Variants in PDZD2 observed in about 807,000 individuals in gnomAD.
PDZD2 encodes PDZ domain containing 2, also known as PDZ domain-containing protein 2.
A neutral mutation model predicts 220.7 loss-of-function variants in PDZD2; 90 were observed. The ratio of observed to expected loss-of-function variants is 0.41; its 90% confidence interval spans 0.34 to 0.49. The LOEUF (loss-of-function observed/expected upper bound fraction) is 0.49. Ranked by LOEUF, PDZD2 falls within the 20% of genes least tolerant of loss-of-function variation. The pLI, the probability that PDZD2 is intolerant of heterozygous loss-of-function variation, is 0.28. For missense variants in PDZD2, 3,174 were observed against 3,608.5 expected (o/e 0.88, Z 3.08); for synonymous variants, 1,375 against 1,450.5 (o/e 0.95, Z 1.18).
intron 1 of PDZD2, among the ~76,000 whole-genome samples, chr5:31,717,170 G>A (rs576323810): frequency 3.9e-5 from 6 of 152,244 alleles, no homozygotes; most frequent in South Asian, 2.1e-4. Context: ...AAGAGACAGC[G>A]TGTATTGAGT....
At chr5:31,810,743 G>C (rs1253778026) in intron 2 of PDZD2, among the ~76,000 whole-genome samples, 3 of 152,234 alleles carry the variant, frequency 2.0e-5, no homozygotes, top group African/African-American at 7.2e-5. Context: ...ACTTGCACTT[G>C]CATCTTCTGG....
In PDZD2 at chr5:31,790,737, C is replaced by T. The variant is rs148527043; in HGVS notation, c.-360-8152C>T. The stretch of plus-strand genomic sequence containing the variant: ...TTTTTGAGACAGAGTCTCGCTCTTT[C>T]GCTCAGGCCGGACTGCAGTGGCACG... On this transcript the variant is annotated intron_variant, in intron 1 of 24. Coordinates refer to ENST00000438447, the MANE Select transcript of PDZD2 (RefSeq NM_178140.4). 2.6e-5 allele frequency among the ~76,000 whole-genome samples: 3 copies of T among 113,952 alleles called. No homozygotes were observed. The Admixed American group carries it at 4.1e-4, about 16-fold the overall frequency. The allele number at this position is 113,952 out of a possible 152,430, so 74.8% of individuals were successfully genotyped here.
chr5:31,804,887 T>G (rs1465233985), intron 2 of PDZD2, among the ~76,000 whole-genome samples: 1 of 152,208 alleles, frequency 6.6e-6, no homozygotes, highest in Non-Finnish European at 1.5e-5. Context: ...ACAAGCCCCC[T>G]GCCTCATCTT....
intron 2 of PDZD2, among the ~76,000 whole-genome samples, chr5:31,954,908 G>T (rs1403878577): frequency 6.6e-6 from 1 of 152,128 alleles, no homozygotes; most frequent in African/African-American, 2.4e-5. Context: ...TTGCACTCCA[G>T]CCTGGGGGAC....
intron 2 of PDZD2, among the ~76,000 whole-genome samples, chr5:31,953,169 A>T (rs1291763584): frequency 1.3e-5 from 2 of 152,102 alleles, no homozygotes; most frequent in Non-Finnish European, 2.9e-5. Context: ...ATAGGAACTG[A>T]CACACAGATC....
intron 2 of PDZD2, among the ~76,000 whole-genome samples, chr5:31,803,062 A>G (rs1754492606): frequency 6.6e-6 from 1 of 151,342 alleles, no homozygotes; most frequent in South Asian, 2.1e-4. Flanking sequence ...GAGAAGAGAG[A>G]GGAGAGCATG....
At position 32,074,414 on chromosome 5, in the gene PDZD2, G is replaced by T; in HGVS notation, c.3308G>T (p.Ser1103Ile). 1 of 1,614,148 alleles carries T rather than the reference G, an allele frequency of 6.2e-7. No homozygotes were observed. The highest frequency in any genetic ancestry group is 8.5e-7 in the Non-Finnish European group (1 of 1,180,006). The change falls in exon 18 of 25, where the codon AGC becomes ATC. Residue 1103 changes from serine (S) to isoleucine (I), a missense_variant. Physicochemically the swap from Ser to Ile is moderately radical, Grantham distance 142. Around this residue, in one of 4 missense-constraint regions of PDZD2, gnomAD observed 1,861 missense variants for 2,001.0 expected, o/e 0.93. Transcript: ENST00000438447. ...TDTQSPTNTG[S>I]PSSPQQKSEG... ...ACCCAGAGTCCGACGAACACTGGGAGCCCCAGTTCCCCCCAGCAGAAAAGT... is the reference window on the plus strand; with the variant it reads ...ACCCAGAGTCCGACGAACACTGGGATCCCCAGTTCCCCCCAGCAGAAAAGT...
intron 2 of PDZD2, among the ~76,000 whole-genome samples, chr5:31,813,609 A>G (rs540678956): frequency 1.3e-5 from 2 of 152,336 alleles, no homozygotes; most frequent in South Asian, 2.1e-4. Flanking sequence ...TTTTAAAAAC[A>G]TAATTGCTTA....
intron 2 of PDZD2, among the ~76,000 whole-genome samples, chr5:31,878,648 C>T (rs1331094515): frequency 6.9e-6 from 1 of 144,868 alleles, no homozygotes; most frequent in South Asian, 2.2e-4. Context: ...CAGGCTCCGC[C>T]CCCCGGGGTT....
At chr5:32,046,385 G>T (rs2112276454) in intron 7 of PDZD2, among the ~76,000 whole-genome samples, 1 of 152,200 alleles carries the variant, frequency 6.6e-6, no homozygotes, top group African/African-American at 2.4e-5. Context: ...TGGGACTACA[G>T]GTGCACCCCA....
At chr5:31,930,051 C>T (rs1745120568) in intron 2 of PDZD2, among the ~76,000 whole-genome samples, 2 of 152,110 alleles carry the variant, frequency 1.3e-5, no homozygotes, top group Admixed American at 1.3e-4. Context: ...GCTTCTGCTC[C>T]CTTTTTGCCT....
At chr5:31,848,828 T>G (rs965337551) in intron 2 of PDZD2, among the ~76,000 whole-genome samples, 1 of 150,808 alleles carries the variant, frequency 6.6e-6, no homozygotes, top group Non-Finnish European at 1.5e-5. Context: ...GGTGGGCAGA[T>G]CACGAGATCA....
intron 1 of PDZD2, among the ~76,000 whole-genome samples, chr5:31,692,085 C>T (rs570906945): frequency 4.6e-5 from 7 of 152,158 alleles, no homozygotes; most frequent in South Asian, 2.1e-4. Flanking sequence ...TGGGGAGGCT[C>T]GGGTGGCACA....
chr5:31,903,250 C>T (rs555156267), intron 2 of PDZD2, among the ~76,000 whole-genome samples: 16 of 151,800 alleles, frequency 1.1e-4, no homozygotes, highest in African/African-American at 3.6e-4. Context: ...GCTGAGATCA[C>T]ACCACTGCAC....
At chr5:31,766,966 G>A (rs1233024285) in intron 1 of PDZD2, among the ~76,000 whole-genome samples, 1 of 148,358 alleles carries the variant, frequency 6.7e-6, no homozygotes, top group Admixed American at 6.8e-5. Flanking sequence ...GACCTCAGGT[G>A]ATCCACCCAC....
At chr5:31,656,188 C>T (rs894887466) in intron 1 of PDZD2, among the ~76,000 whole-genome samples, 9 of 152,168 alleles carry the variant, frequency 5.9e-5, no homozygotes, top group African/African-American at 1.7e-4. Context: ...ATGGGCTATG[C>T]GCATGTATTC....
At chr5:32,070,444 C>T (rs1174336304) in intron 15 of PDZD2, among the ~76,000 whole-genome samples, 1 of 152,204 alleles carries the variant, frequency 6.6e-6, no homozygotes, top group Non-Finnish European at 1.5e-5. Flanking sequence ...AAGCTGTGCT[C>T]TCATAATCCC....
chr5:31,880,780 CTTTTTTTTTTCTTTTTTTTTTTTT>C (rs1739795505), intron 2 of PDZD2, among the ~76,000 whole-genome samples: 1 of 42,774 alleles, frequency 2.3e-5, no homozygotes, highest in Non-Finnish European at 5.2e-5. Flanking sequence ...AGGTAGCTTT[CTTTTTTTTTTCTTTTTTTTTTTTT>C]TTTTTTTTTT....
chr5:31,803,608 G>T (rs1040620653), intron 2 of PDZD2, among the ~76,000 whole-genome samples: 2 of 151,958 alleles, frequency 1.3e-5, no homozygotes, highest in African/African-American at 4.8e-5. Flanking sequence ...GGAGATAATT[G>T]GGTATGGCTC....
Sources: gnomAD v4.1 joint callset for allele counts (sites outside exome capture counted in the v4.1 genomes callset) on GRCh38, gnomAD v4.1.1 for gene constraint, gnomAD v4.1.1 regional missense constraint, MANE v1.5 for transcripts, NCBI Gene and HGNC (gene_info 2026-07-23, HGNC 2026-07-21) for gene names.